Variants in GRM8 observed in about 807,000 individuals in gnomAD.
GRM8 encodes the protein metabotropic glutamate receptor 8.
Under a neutral mutation model 87.2 loss-of-function variants are expected in GRM8, and 47 were observed. The ratio of observed to expected loss-of-function variants is 0.54; its 90% CI spans 0.43 to 0.69. The LOEUF (loss-of-function observed/expected upper bound fraction) is 0.69. Ranked by LOEUF, GRM8 falls within the 30% of genes least tolerant of loss-of-function variation. The pLI is 0.00. For missense variants in GRM8, 1,019 were observed against 1,139.2 expected (o/e 0.89, Z 1.52); for synonymous variants, 396 against 404.5 (o/e 0.98, Z 0.25).
chr7:126,735,986 T>C (rs932007738), intron 7 of GRM8, among the ~76,000 whole-genome samples: 9 of 152,078 alleles, frequency 5.9e-5, no homozygotes, highest in Admixed American at 1.3e-4. Context: ...CCAATATTTT[T>C]ATACAATACC....
chr7:126,607,566 AGAG>A (rs1203926966), intron 8 of GRM8, among the ~76,000 whole-genome samples: 3 of 152,208 alleles, frequency 2.0e-5, no homozygotes, highest in South Asian at 2.1e-4. Flanking sequence ...AGAATCAAGA[AGAG>A]GAGATGTTTT....
chr7:127,212,402 ATGG>A (rs1271164528), intron 2 of GRM8, among the ~76,000 whole-genome samples: 4 of 143,612 alleles, frequency 2.8e-5, no homozygotes, highest in African/African-American at 1.1e-4. Flanking sequence ...ACACTAGGAC[ATGG>A]TGTTATTTTT....
At chr7:126,637,512 A>G (rs76236079) in intron 7 of GRM8, among the ~76,000 whole-genome samples, 2,159 of 152,272 alleles carry the variant, frequency 0.014, 52 homozygotes, top group African/African-American at 0.049. Flanking sequence ...ATGGTTCTGG[A>G]TATTTCCAGA....
At chr7:127,131,588 G>A (rs1827693711) in intron 2 of GRM8, among the ~76,000 whole-genome samples, 1 of 151,918 alleles carries the variant, frequency 6.6e-6, no homozygotes, top group South Asian at 2.1e-4. Context: ...TCTGCCTGTG[G>A]GGACACTGGT....
chr7:126,969,695 T>A (rs978210085), intron 3 of GRM8, among the ~76,000 whole-genome samples: 32 of 152,312 alleles, frequency 2.1e-4, no homozygotes, highest in African/African-American at 7.0e-4. Context: ...TGTTGCTATT[T>A]TTACCTCCTC....
At chr7:126,718,048 C>T (rs1050627977) in intron 7 of GRM8, among the ~76,000 whole-genome samples, 2 of 151,616 alleles carry the variant, frequency 1.3e-5, no homozygotes, top group African/African-American at 4.9e-5. Context: ...CTGGCCAACA[C>T]GGTGAAACCC....
intron 3 of GRM8, 51 bp from the exon 4 acceptor site, chr7:126,904,734 T>C (rs911123887): frequency 2.3e-5 from 35 of 1,548,576 alleles, no homozygotes; most frequent in Non-Finnish European, 3.0e-5. Flanking sequence ...TTTATTTAAT[T>C]AGCAAACCCA....
chr7:126,827,210 G>C (rs1204851137), intron 6 of GRM8, among the ~76,000 whole-genome samples: 5 of 152,062 alleles, frequency 3.3e-5, no homozygotes, highest in Non-Finnish European at 7.4e-5. Context: ...CTCTTTTTTG[G>C]TTCCATATGA....
intron 2 of GRM8, among the ~76,000 whole-genome samples, chr7:127,198,045 T>TTC (rs1266411893): frequency 6.6e-6 from 1 of 152,230 alleles, no homozygotes; most frequent in Non-Finnish European, 1.5e-5. Flanking sequence ...GATTCTTGAT[T>TTC]ATCAAATAGT....
At chr7:127,025,312 C>G (rs779091720) in intron 3 of GRM8, among the ~76,000 whole-genome samples, 1 of 152,076 alleles carries the variant, frequency 6.6e-6, no homozygotes, top group African/African-American at 2.4e-5. Flanking sequence ...TCTTACTCTT[C>G]TTTCCTCAGA....
chr7:127,077,653 C>A (rs1020357540), intron 3 of GRM8, among the ~76,000 whole-genome samples: 1 of 152,234 alleles, frequency 6.6e-6, no homozygotes, highest in Non-Finnish European at 1.5e-5. Flanking sequence ...AAACAAACCA[C>A]TTCGAACTGA....
chr7:126,973,158 C>T (rs1435820815), intron 3 of GRM8, among the ~76,000 whole-genome samples: 2 of 152,164 alleles, frequency 1.3e-5, no homozygotes, highest in Non-Finnish European at 2.9e-5. Flanking sequence ...CTTGTAAAAA[C>T]ACATTACTGG....
intron 7 of GRM8, among the ~76,000 whole-genome samples, chr7:126,683,742 A>G (rs1460536742): frequency 6.6e-6 from 1 of 152,162 alleles, no homozygotes; most frequent in Non-Finnish European, 1.5e-5. Context: ...TCCAGACAGG[A>G]GTCTGGAAAT....
chr7:126,947,889 C>T (rs1345381353), intron 3 of GRM8, among the ~76,000 whole-genome samples: 2 of 152,026 alleles, frequency 1.3e-5, no homozygotes, highest in Admixed American at 1.3e-4. Context: ...AAGGATGAGC[C>T]GTTAGAGGAA....
At chr7:126,648,782 A>T (rs1803460854) in intron 7 of GRM8, among the ~76,000 whole-genome samples, 1 of 136,936 alleles carries the variant, frequency 7.3e-6, no homozygotes, top group African/African-American at 2.5e-5. Flanking sequence ...TCTTTAAATG[A>T]ACAAATGCTG....
chr7:127,044,022 A>C (rs1204214081), intron 3 of GRM8, among the ~76,000 whole-genome samples: 1 of 152,174 alleles, frequency 6.6e-6, no homozygotes, highest in Non-Finnish European at 1.5e-5. Flanking sequence ...TAATTTTCTC[A>C]AGTCTTGCTT....
In GRM8 at chr7:126,447,657, A is replaced by C. The variant is rs7781381; in HGVS notation, c.2431-1285T>G. Reference sequence around the variant, plus strand: ...AACCATTCGCCCTCAAGGGTAAATAACTGAATCAGCATTAGTGTTGCCTTT... The same window carrying C: ...AACCATTCGCCCTCAAGGGTAAATACCTGAATCAGCATTAGTGTTGCCTTT... On this transcript the variant is annotated intron_variant, in intron 9 of 10. Transcript: ENST00000339582. Among the ~76,000 whole-genome samples, 392 of 152,122 alleles carry C rather than the reference A, an allele frequency of 2.6e-3. 1 individual carries two copies. The highest frequency in any genetic ancestry group is 9.0e-3 in the African/African-American group (375 of 41,554).
intron 6 of GRM8, among the ~76,000 whole-genome samples, chr7:126,799,007 A>G (rs1461699456): frequency 6.6e-6 from 1 of 152,132 alleles, no homozygotes; most frequent in Non-Finnish European, 1.5e-5. Context: ...CCTCAGAGAC[A>G]TTATATAAGG....
intron 9 of GRM8, among the ~76,000 whole-genome samples, chr7:126,485,246 A>C (rs6467083): frequency 6.6e-6 from 1 of 151,220 alleles, no homozygotes; most frequent in African/African-American, 2.4e-5. Context: ...TGTCATAATA[A>C]TATGGGGTAA....
Sources: allele counts gnomAD v4.1 joint callset (sites outside exome capture counted in the v4.1 genomes callset), GRCh38; gene constraint gnomAD v4.1.1; transcripts MANE v1.5; gene names NCBI Gene and HGNC (gene_info 2026-07-23, HGNC 2026-07-21).